CBX1: variants seen among roughly 807,000 people sequenced by gnomAD.
CBX1 encodes the protein chromobox protein homolog 1.
In CBX1, 10 loss-of-function variants were observed where a neutral mutation model predicts 25.1. The observed-to-expected ratio is 0.40, with a 90% CI of 0.25 to 0.68. The LOEUF is 0.68. Ranked by LOEUF, CBX1 falls within the 30% of genes least tolerant of loss-of-function variation. The pLI, the probability that CBX1 is intolerant of heterozygous loss-of-function variation, is 0.40. For missense variants in CBX1, 106 were observed against 218.5 expected (o/e 0.49, Z 3.25); for synonymous variants, 63 against 79.4 (o/e 0.79, Z 1.10).
chr17:48,086,848 T>C (rs990729985), intron 1 of CBX1, among the ~76,000 whole-genome samples: 6 of 150,654 alleles, frequency 4.0e-5, no homozygotes, highest in South Asian at 2.1e-4. Flanking sequence ...GGCTATAGAG[T>C]GAGACTTCGT....
chr17:48,097,616 CAAA>C (rs373074939), intron 1 of CBX1, among the ~76,000 whole-genome samples: 5 of 80,068 alleles, frequency 6.2e-5, no homozygotes, highest in African/African-American at 4.8e-5. Context: ...GACTCTGTCT[CAAA>C]AAAAAAAAAA....
chr17:48,091,023 C>G (rs1387793723), intron 1 of CBX1, among the ~76,000 whole-genome samples: 1 of 152,162 alleles, frequency 6.6e-6, no homozygotes, highest in Non-Finnish European at 1.5e-5. Flanking sequence ...TGTTACAAAG[C>G]AAATTTCTTT....
Position 48,073,097 on chromosome 17 carries a change from G to C in CBX1, c.414-1518C>G, listed in dbSNP as rs907027587. ...AGATCGCCTCACTGCACTTCAGCCT[G>C]GGTGACAGAGCGAGACTCTGTCTCA... On this transcript the variant is annotated intron_variant, in intron 4 of 4. Transcript: ENST00000225603. Among the ~76,000 whole-genome samples the C allele has an allele frequency of 1.3e-4, 20 of 151,798 alleles. 1 individual carries two copies.
chr17:48,101,051 C>G, intron 1 of CBX1: 4 of 985,840 alleles, frequency 4.1e-6, no homozygotes, highest in Non-Finnish European at 4.8e-6. Context: ...GCTCAGGATT[C>G]GCGCCCCGCC....
chr17:48,077,208 G>A (rs1253529677), intron 1 of CBX1, among the ~76,000 whole-genome samples, 167 bp from the exon 2 acceptor site: 2 of 151,556 alleles, frequency 1.3e-5, no homozygotes, highest in Non-Finnish European at 2.9e-5. Context: ...TTTCTGATAT[G>A]TCCAGCCAGA....
intron 2 of CBX1, 115 bp from the exon 3 acceptor site, chr17:48,076,293 G>A (rs918972540): frequency 1.3e-6 from 1 of 765,794 alleles, no homozygotes. Context: ...AAATTCTTGG[G>A]GAATGGGGAA....
In CBX1 at chr17:48,071,547, G is replaced by T; in HGVS notation, c.446C>A (p.Ala149Asp). 6.2e-7 allele frequency: 1 copy of T among 1,612,708 alleles called. No individual in the cohort carries two copies. The highest frequency in any genetic ancestry group is 1.3e-5 in the African/African-American group (1 of 74,982). The change falls in exon 5 of 5, where the codon GCC (alanine) becomes GAC (aspartate). Residue 149 changes from alanine (A) to aspartate (D), a missense_variant. Ala to Asp is a moderately radical substitution (Grantham distance 126). Coordinates refer to ENST00000225603, the MANE Select transcript of CBX1 (RefSeq NM_001127228.2). ...KNSDEADLVP[A>D]KEANVKCPQV... ...TGGGCACTTGACATTGGCTTCCTTG[G>T]CAGGGACCAGGTCAGCCTCATCAGA... is the stretch of plus-strand genomic sequence containing the variant.
intron 1 of CBX1, 84 bp downstream of exon 1, chr17:48,101,184 A>C (rs1234375730): frequency 2.0e-5 from 20 of 988,364 alleles, no homozygotes; most frequent in Non-Finnish European, 2.4e-5. Flanking sequence ...CCGCCTCGAA[A>C]GCGCGTTCCC....
At chr17:48,085,443 TAAGGA>T (rs2063307255) in intron 1 of CBX1, among the ~76,000 whole-genome samples, 1 of 151,920 alleles carries the variant, frequency 6.6e-6, no homozygotes, top group Non-Finnish European at 1.5e-5. Flanking sequence ...CCAGCCTGTA[TAAGGA>T]AAGGACACAG....
Position 48,101,313 on chromosome 17 carries a change from C to G in CBX1, c.-83G>C, listed in dbSNP as rs2063408938. 9.8e-5 allele frequency: 97 copies of G among 986,248 alleles called. No homozygotes were observed. Among genetic ancestry groups the G allele is most frequent in the Non-Finnish European group, 1.1e-4 (94 of 830,026 alleles). 61.1% of individuals were successfully genotyped at this position (986,248 alleles called of 1,614,324 possible). ...CCCGAGAGGAATCGGTGCTGCGCTGCTGGCGCGTCGCGTCGGGTCGCCTGG... is the reference window on the plus strand; with the variant it reads ...CCCGAGAGGAATCGGTGCTGCGCTGGTGGCGCGTCGCGTCGGGTCGCCTGG... On this transcript the variant is annotated 5_prime_UTR_variant, in exon 1 of 5. Transcript: ENST00000225603.
At chr17:48,098,460 T>C (rs2063388176) in intron 1 of CBX1, among the ~76,000 whole-genome samples, 1 of 152,208 alleles carries the variant, frequency 6.6e-6, no homozygotes, top group Non-Finnish European at 1.5e-5. Context: ...GCCTACTATG[T>C]GCCAGGCACT....
chr17:48,070,576 T>C lies in CBX1; in HGVS notation c.*859A>G, dbSNP rs2037615962. The C allele has an allele frequency of 1.3e-5, 2 of 152,692 alleles. No homozygotes were observed. Among genetic ancestry groups the C allele is most frequent in the Non-Finnish European group, 2.9e-5 (2 of 68,072 alleles). 9.5% of individuals were successfully genotyped at this position (152,692 alleles called of 1,614,324 possible). A position where few individuals can be genotyped will look rare whatever the true frequency, so the allele number is the denominator to read the frequency against. On this transcript the variant is annotated 3_prime_UTR_variant, in exon 5 of 5. Transcript: ENST00000225603. ...GCTTGGATGAACAAGCTGATATTTATAACTTCGTTACTGGAAAAGAAAGGG... is the reference window on the plus strand; with the variant it reads ...GCTTGGATGAACAAGCTGATATTTACAACTTCGTTACTGGAAAAGAAAGGG...
At chr17:48,084,527 C>A (rs2037769775) in intron 1 of CBX1, among the ~76,000 whole-genome samples, 1 of 149,200 alleles carries the variant, frequency 6.7e-6, no homozygotes, top group Non-Finnish European at 1.5e-5. Context: ...CTGTTAAACT[C>A]CTGGCCTCAC....
At chr17:48,092,409 G>A (rs2063349295) in intron 1 of CBX1, among the ~76,000 whole-genome samples, 1 of 151,178 alleles carries the variant, frequency 6.6e-6, no homozygotes, top group African/African-American at 2.4e-5. Context: ...GAGTGGTTAA[G>A]GCCATGAGTT....
chr17:48,072,289 G>A (rs112725447), intron 4 of CBX1, among the ~76,000 whole-genome samples: 16,929 of 151,986 alleles, frequency 0.11, 1,013 homozygotes, highest in East Asian at 0.19. Context: ...GGGATTACAG[G>A]CATGAGCCAC....
chr17:48,086,416 G>A (rs2063311642), intron 1 of CBX1, among the ~76,000 whole-genome samples: 1 of 152,200 alleles, frequency 6.6e-6, no homozygotes, highest in Non-Finnish European at 1.5e-5. Flanking sequence ...CATGAACTAT[G>A]AAGTGCTATG....
At chr17:48,100,220 G>GC (rs2063400924) in intron 1 of CBX1, among the ~76,000 whole-genome samples, 1 of 149,536 alleles carries the variant, frequency 6.7e-6, no homozygotes, top group Non-Finnish European at 1.5e-5. Flanking sequence ...AAACAGAAGG[G>GC]CCCACGAAAC....
chr17:48,097,695 T>C (rs940963771), intron 1 of CBX1, among the ~76,000 whole-genome samples: 7 of 152,142 alleles, frequency 4.6e-5, no homozygotes, highest in Non-Finnish European at 1.0e-4. Context: ...AGGCACAATT[T>C]CACAGACAAA....
chr17:48,079,660 A>AT (rs1273900786), intron 1 of CBX1, among the ~76,000 whole-genome samples: 5 of 151,952 alleles, frequency 3.3e-5, no homozygotes, highest in African/African-American at 1.2e-4. Flanking sequence ...TGCCTGGCTA[A>AT]TTTTTTAAAT....
Sources: allele counts gnomAD v4.1 joint callset (sites outside exome capture counted in the v4.1 genomes callset), GRCh38; gene constraint gnomAD v4.1.1; transcripts MANE v1.5; gene names NCBI Gene and HGNC (gene_info 2026-07-23, HGNC 2026-07-21).